HERPUD2: variants seen among roughly 807,000 people sequenced by gnomAD.
HERPUD2 encodes HERPUD family member 2.
A neutral mutation model predicts 49.9 loss-of-function variants in HERPUD2; 13 were observed. The observed-to-expected ratio is 0.26, with a 90% CI of 0.17 to 0.41. HERPUD2 has a LOEUF of 0.41. HERPUD2 is among the 10% of genes least tolerant of loss of function. The probability of loss-of-function intolerance (pLI) is 1.00; values close to 1 mark genes in which losing one functional copy is unlikely to be tolerated. For synonymous variants in HERPUD2, 172 were observed against 171.4 expected, an observed-to-expected ratio of 1.00 and a Z score of -0.03; for missense variants, 449 against 492.2, an observed-to-expected ratio of 0.91 and a Z score of 0.83.
chr7:35,665,738 C>T (rs1324165202), intron 5 of HERPUD2, among the ~76,000 whole-genome samples: 1 of 152,206 alleles, frequency 6.6e-6, no homozygotes, highest in African/African-American at 2.4e-5. Flanking sequence ...TTGGCGCCAC[C>T]TATTTCAGAT....
chr7:35,635,374 A>T lies in HERPUD2; in HGVS notation c.702T>A (p.Val234=). ...GAGCTGGTGGGGGTTCTTCTCCAGGAACATGTGCCAAATTTAGAGGCTGTG... is the reference window on the plus strand; with the variant it reads ...GAGCTGGTGGGGGTTCTTCTCCAGGTACATGTGCCAAATTTAGAGGCTGTG... ...TTSQPLNLAH[V]PGEEPPPAPN... Residue 234 remains valine, a synonymous_variant, in exon 7 of 9, where the codon GTT becomes GTA. Transcript: ENST00000311350. 6.2e-7 allele frequency: 1 copy of T among 1,614,120 alleles called. No individual in the cohort carries two copies. The highest frequency in any genetic ancestry group is 8.5e-7 in the Non-Finnish European group (1 of 1,180,024).
intron 2 of HERPUD2, among the ~76,000 whole-genome samples, chr7:35,687,446 G>A (rs565171470): frequency 1.3e-5 from 2 of 152,272 alleles, no homozygotes; most frequent in South Asian, 4.1e-4. Flanking sequence ...GTCACAGATG[G>A]CAGTGCAGAA....
At chr7:35,676,668 T>C (rs1785766998) in intron 2 of HERPUD2, among the ~76,000 whole-genome samples, 1 of 152,226 alleles carries the variant, frequency 6.6e-6, no homozygotes, top group Non-Finnish European at 1.5e-5. Flanking sequence ...AAAATATGTA[T>C]TTTTATAAAG....
chr7:35,656,930 A>C (rs572054854), intron 5 of HERPUD2, among the ~76,000 whole-genome samples: 5 of 152,330 alleles, frequency 3.3e-5, no homozygotes, highest in Admixed American at 2.6e-4. Flanking sequence ...AAACAGGGGA[A>C]ACACTTCAGG....
At chr7:35,634,254 C>A in intron 8 of HERPUD2, 58 bp downstream of exon 8, 1 of 1,047,534 alleles carries the variant, frequency 9.5e-7, no homozygotes, top group South Asian at 1.3e-5. Flanking sequence ...CATGTTGGTC[C>A]CATACCGTGC....
chr7:35,637,160 A>AAGAAAGAAAGAAAGATAGATAGAT (rs1554311472), intron 6 of HERPUD2, among the ~76,000 whole-genome samples: 1 of 144,082 alleles, frequency 6.9e-6, no homozygotes, highest in Non-Finnish European at 1.5e-5. Context: ...GAAAGAAAGA[A>AAGAAAGAAAGAAAGATAGATAGAT]AGATAGATAG....
intron 5 of HERPUD2, among the ~76,000 whole-genome samples, chr7:35,652,959 T>C (rs1298021537): frequency 6.6e-6 from 1 of 151,820 alleles, no homozygotes; most frequent in Admixed American, 6.6e-5. Context: ...AAAGAATTTA[T>C]ATGTCACCAC....
chr7:35,652,349 A>C (rs2115884710), intron 5 of HERPUD2, among the ~76,000 whole-genome samples: 1 of 152,202 alleles, frequency 6.6e-6, no homozygotes, highest in East Asian at 1.9e-4. Flanking sequence ...TCCTGGTGCC[A>C]GGGCTCTGAC....
At chr7:35,661,120 A>T (rs934580188) in intron 5 of HERPUD2, among the ~76,000 whole-genome samples, 1 of 152,176 alleles carries the variant, frequency 6.6e-6, no homozygotes, top group South Asian at 2.1e-4. Context: ...CCCCAGCACC[A>T]TTTATAAAAT....
chr7:35,671,261 G>A (rs1457783930), intron 3 of HERPUD2, among the ~76,000 whole-genome samples: 8 of 152,046 alleles, frequency 5.3e-5, no homozygotes, highest in Admixed American at 5.2e-4. Flanking sequence ...TGTTAAGAGG[G>A]TAGACTAGTG....
chr7:35,675,935 C>T (rs1229585892), intron 2 of HERPUD2, among the ~76,000 whole-genome samples: 1 of 152,104 alleles, frequency 6.6e-6, no homozygotes, highest in African/African-American at 2.4e-5. Flanking sequence ...CCACTGTACC[C>T]AGCTGAGTAC....
chr7:35,664,874 T>C (rs1785504500), intron 5 of HERPUD2, among the ~76,000 whole-genome samples: 1 of 152,174 alleles, frequency 6.6e-6, no homozygotes, highest in Admixed American at 6.5e-5. Flanking sequence ...TTATTACCGA[T>C]TGTCTGAAGC....
intron 2 of HERPUD2, among the ~76,000 whole-genome samples, chr7:35,690,531 C>T (rs771542092): frequency 2.0e-5 from 3 of 152,166 alleles, no homozygotes; most frequent in East Asian, 3.8e-4. Context: ...TAGTTAAGGC[C>T]GGGAGTGGTG....
chr7:35,661,238 A>G (rs1785414040), intron 5 of HERPUD2, among the ~76,000 whole-genome samples: 1 of 152,036 alleles, frequency 6.6e-6, no homozygotes, highest in South Asian at 2.1e-4. Context: ...ACTAGTCTAT[A>G]TCTCTGTTTT....
In HERPUD2 at chr7:35,667,550, A is replaced by C. The variant is rs201801755; in HGVS notation, c.378T>G (p.Gly126=). ...CCACAGCTAAAGACAAGGTTTCTTGACCAGATGATGGAGTTGTTGATCCTG... is the reference window on the plus strand; with the variant it reads ...CCACAGCTAAAGACAAGGTTTCTTGCCCAGATGATGGAGTTGTTGATCCTG... ...DHSGSTTPSS[G]QETLSLAVGS... is the part of the protein sequence containing the mutation. The change falls in exon 5 of 9, where the codon GGT becomes GGG. Residue 126 remains glycine (G), a synonymous_variant. Coordinates refer to ENST00000311350, the MANE Select transcript of HERPUD2 (RefSeq NM_022373.5). 1.2e-5 allele frequency: 20 copies of C among 1,613,762 alleles called. No individual in the cohort carries two copies. In the African/African-American group the frequency reaches 2.1e-4, roughly 17 times the overall value.
intron 2 of HERPUD2, among the ~76,000 whole-genome samples, chr7:35,681,862 C>A (rs910842746): frequency 2.0e-5 from 3 of 151,930 alleles, no homozygotes; most frequent in Non-Finnish European, 4.4e-5. Flanking sequence ...GGAGTGACTG[C>A]CAATAGGTAT....
At chr7:35,643,467 T>C (rs1784999579) in intron 5 of HERPUD2, among the ~76,000 whole-genome samples, 1 of 152,224 alleles carries the variant, frequency 6.6e-6, no homozygotes, top group Non-Finnish European at 1.5e-5. Flanking sequence ...TAAAAAGGAA[T>C]GAAGATCTCT....
At chr7:35,686,308 G>C (rs55682480) in intron 2 of HERPUD2, among the ~76,000 whole-genome samples, 149,501 of 149,504 alleles carry the variant, frequency 1, 74,749 homozygotes, top group Middle Eastern at 1. Flanking sequence ...CCTGCGTCAC[G>C]TCCCAAGTAG....
chr7:35,643,011 G>A (rs991868504), intron 5 of HERPUD2, among the ~76,000 whole-genome samples: 17 of 152,046 alleles, frequency 1.1e-4, no homozygotes, highest in Admixed American at 2.0e-4. Context: ...TTCTATTTTT[G>A]AAAATTAGCT....
Sources: gnomAD v4.1 joint callset for allele counts (sites outside exome capture counted in the v4.1 genomes callset) on GRCh38, gnomAD v4.1.1 for gene constraint, MANE v1.5 for transcripts, NCBI Gene and HGNC (gene_info 2026-07-23, HGNC 2026-07-21) for gene names.